RBL1: variants seen among roughly 807,000 people sequenced by gnomAD.
The protein encoded by RBL1 is retinoblastoma-like protein 1.
A neutral mutation model predicts 123.0 loss-of-function variants in RBL1; 82 were observed. The ratio of observed to expected loss-of-function variants is 0.67; its 90% CI spans 0.56 to 0.80. The LOEUF (loss-of-function observed/expected upper bound fraction) is 0.80. Ranked by LOEUF, RBL1 falls within the 30% of genes least tolerant of loss-of-function variation. RBL1 has a pLI of 0.00. For synonymous variants in RBL1, 405 were observed against 441.3 expected, an observed-to-expected ratio of 0.92 and a Z score of 1.03; for missense variants, 1,171 against 1,299.6, an observed-to-expected ratio of 0.90 and a Z score of 1.52.
chr20:37,062,533 T>C (rs1416685736), intron 7 of RBL1, among the ~76,000 whole-genome samples: 2 of 151,156 alleles, frequency 1.3e-5, no homozygotes, highest in African/African-American at 2.4e-5. Context: ...ATGAAAATGG[T>C]TTCTGATCAC....
rs145776810 is a variant in RBL1 at position 37,082,481 on chromosome 20, A to AAC, written c.290+6506_290+6507dup. Among the ~76,000 whole-genome samples the AAC allele has an allele frequency of 4.2e-3, 621 of 147,790 alleles. 1 individual carries two copies. The highest frequency in any genetic ancestry group is 9.6e-3 in the African/African-American group (395 of 41,036). ...CCACCACCAACACCATACACATACA[A>AAC]ACACACACACACACACACTCTCTCT... is the stretch of plus-strand genomic sequence containing the variant. On this transcript the variant is annotated intron_variant, in intron 2 of 21. Transcript: ENST00000373664.
chr20:37,094,829 G>A lies in RBL1; in HGVS notation c.156+944C>T, dbSNP rs1319798246. 4.6e-5 allele frequency among the ~76,000 whole-genome samples: 7 copies of A among 152,242 alleles called. No individual in the cohort carries two copies. The East Asian group carries it at 1.2e-3, about 25-fold the overall frequency. ...TTTTGTATTTTTTTAGTAGAGATGGGGTTTCGCCGTGTTGCCCAGGTTAGT... is the reference window on the plus strand; with the variant it reads ...TTTTGTATTTTTTTAGTAGAGATGGAGTTTCGCCGTGTTGCCCAGGTTAGT... On this transcript the variant is annotated intron_variant, in intron 1 of 21. Coordinates refer to ENST00000373664, the MANE Select transcript of RBL1 (RefSeq NM_002895.5).
At chr20:37,058,418 G>A (rs2146290019) in intron 9 of RBL1, among the ~76,000 whole-genome samples, 1 of 151,868 alleles carries the variant, frequency 6.6e-6, no homozygotes, top group East Asian at 1.9e-4. Context: ...TGGAGGCTGA[G>A]GCAGGAGAAC....
intron 2 of RBL1, among the ~76,000 whole-genome samples, chr20:37,082,527 A>G (rs1397731182): frequency 3.9e-5 from 6 of 152,086 alleles, no homozygotes; most frequent in Non-Finnish European, 5.9e-5. Context: ...TTTACCCTCC[A>G]TATCTGTGAG....
At position 37,007,415 on chromosome 20, in the gene RBL1, T is replaced by A; in HGVS notation, c.2867A>T (p.His956Leu). The part of the protein sequence containing the change: ...ALKYDLANQD[H>L]MMDAPPLSPF... ...GTAGTAAAACATAGAACATACCATA[T>A]GGTCCTGATTCGCCAAGTCGTATTT... Residue 956 changes from histidine to leucine, a missense_variant, in exon 20 of 22, where the codon CAT (histidine) becomes CTT (leucine). Transcript: ENST00000373664. 2 of 1,613,456 alleles carry A rather than the reference T, an allele frequency of 1.2e-6. No individual in the cohort carries two copies. The highest frequency in any genetic ancestry group is 1.7e-6 in the Non-Finnish European group (2 of 1,179,714).
chr20:37,042,999 G>C lies in RBL1; in HGVS notation c.1770+1087C>G, dbSNP rs373792052. 2.9e-4 allele frequency among the ~76,000 whole-genome samples: 44 copies of C among 151,142 alleles called. No individual in the cohort carries two copies. The East Asian group carries it at 2.9e-3, about 10-fold the overall frequency. Reference sequence around the variant, plus strand: ...AATAAAATGTAGCATCCATACAATGGAATATTACTTAGCAACAAAAGGAAA... The same window carrying C: ...AATAAAATGTAGCATCCATACAATGCAATATTACTTAGCAACAAAAGGAAA... On this transcript the variant is annotated intron_variant, in intron 13 of 21. Coordinates refer to ENST00000373664, the MANE Select transcript of RBL1 (RefSeq NM_002895.5).
intron 2 of RBL1, among the ~76,000 whole-genome samples, chr20:37,074,415 G>GAA (rs751317386): frequency 2.6e-4 from 16 of 62,250 alleles, no homozygotes; most frequent in African/African-American, 5.1e-4. Flanking sequence ...CCCTGTCTCA[G>GAA]AAAAAAAAAA....
chr20:37,012,307 G>A lies in RBL1; in HGVS notation c.2723-4748C>T, dbSNP rs376490098. Among the ~76,000 whole-genome samples, 17 of 151,972 alleles carry A rather than the reference G, an allele frequency of 1.1e-4. 1 individual carries two copies. In the East Asian group the frequency reaches 2.3e-3, roughly 21 times the overall value. ...CCACCCCGTCTGGGAAGTGAGGAGC[G>A]TCTCTGCCTGGCCGCCCATCGTCTG... On this transcript the variant is annotated intron_variant, in intron 19 of 21. Coordinates refer to ENST00000373664, the MANE Select transcript of RBL1 (RefSeq NM_002895.5).
intron 16 of RBL1, among the ~76,000 whole-genome samples, chr20:37,023,156 C>G (rs1311412749): frequency 6.6e-6 from 1 of 151,474 alleles, no homozygotes; most frequent in Admixed American, 6.6e-5. Context: ...GATTCTCGCT[C>G]TGTCACCCAG....
chr20:37,056,348 CT>C (rs1210396732), intron 9 of RBL1, 90 bp from the exon 10 acceptor site: 1 of 949,058 alleles, frequency 1.1e-6, no homozygotes, highest in East Asian at 4.7e-5. Context: ...ATGCCTTCTT[CT>C]TCTTTTTTTT....
In RBL1 at chr20:37,044,207, T is replaced by A; in HGVS notation, c.1649A>T (p.Asp550Val). ...AATGCTGTTTAGGTGTTTCACCATG[T>A]CCCTTGAGAGCCCCTCTTCTGAGCG... is the stretch of plus-strand genomic sequence containing the variant. ...VIRSEEGLSR[D>V]MVKHLNSIEE... is the part of the protein sequence containing the mutation. The change falls in exon 13 of 22, where the codon GAC (aspartate) becomes GTC (valine). Residue 550 changes from aspartate (D) to valine (V), a missense_variant. Coordinates refer to ENST00000373664, the MANE Select transcript of RBL1 (RefSeq NM_002895.5). 6.2e-7 allele frequency: 1 copy of A among 1,613,984 alleles called. No homozygotes were observed. The highest frequency in any genetic ancestry group is 1.1e-5 in the South Asian group (1 of 91,062).
intron 19 of RBL1, among the ~76,000 whole-genome samples, chr20:37,016,995 G>GAGAGA (rs1201486458): frequency 6.6e-6 from 1 of 151,306 alleles, no homozygotes; most frequent in Admixed American, 6.6e-5. Flanking sequence ...GAGGGGAGAG[G>GAGAGA]AGAGAAGACG....
intron 2 of RBL1, 95 bp downstream of exon 2, chr20:37,088,894 A>T: frequency 1.2e-6 from 1 of 841,936 alleles, no homozygotes; most frequent in Non-Finnish European, 1.6e-6. Context: ...TAAATAAAAT[A>T]AAAATTAAAT....
In RBL1 at chr20:37,062,069, G is replaced by C; in HGVS notation, c.1083+15C>G. On this transcript the variant is annotated intron_variant, in intron 8 of 21. Transcript: ENST00000373664. ...AAAGATCATTCAAGATTGAGGCCAG[G>C]CTAGGTTATATTACTTTTTCAAAGT... 6.2e-7 allele frequency: 1 copy of C among 1,605,124 alleles called. No individual in the cohort carries two copies. Among genetic ancestry groups the C allele is most frequent in the Non-Finnish European group, 8.5e-7 (1 of 1,174,544 alleles).
intron 14 of RBL1, 120 bp downstream of exon 14, chr20:37,040,033 C>T (rs535079530): frequency 1.3e-5 from 19 of 1,418,248 alleles, no homozygotes; most frequent in Admixed American, 1.0e-4. Context: ...AGCTCCTTTT[C>T]GAACCCTGCT....
chr20:37,049,794 G>A, intron 11 of RBL1: 2 of 487,432 alleles, frequency 4.1e-6, no homozygotes, highest in East Asian at 6.5e-5. Context: ...CAGACATGGT[G>A]GCTCACACCT....
chr20:37,070,881 T>C (rs368632108), intron 2 of RBL1, among the ~76,000 whole-genome samples: 2 of 152,052 alleles, frequency 1.3e-5, no homozygotes, highest in South Asian at 4.2e-4. Flanking sequence ...TCTAGCAATA[T>C]ATACAGAATA....
rs543158530 is a variant in RBL1, at chr20:37,068,025, T to A, written c.452A>T (p.Tyr151Phe). 2.5e-6 allele frequency: 4 copies of A among 1,613,746 alleles called. No individual in the cohort carries two copies. The highest frequency in any genetic ancestry group is 2.7e-5 in the African/African-American group (2 of 74,904). Residue 151 changes from tyrosine to phenylalanine, a missense_variant, in exon 3 of 22, where the codon TAT (tyrosine) becomes TTT (phenylalanine). Coordinates refer to ENST00000373664, the MANE Select transcript of RBL1 (RefSeq NM_002895.5). The stretch of plus-strand genomic sequence containing the variant: ...TCGTGGTAACTTTGGTGGTTCTTCA[T>A]ATGGATTTTGAAATATATCTAAAAA... ...PIFLDIFQNP[Y>F]EEPPKLPRSR...
Position 37,022,659 on chromosome 20 carries a change from G to T in RBL1, c.2550C>A (p.Ile850=). The change falls in exon 17 of 22, where the codon ATC becomes ATA. Residue 850 remains isoleucine, a synonymous_variant. Coordinates refer to ENST00000373664, the MANE Select transcript of RBL1 (RefSeq NM_002895.5). The part of the protein sequence containing the change: ...LDQLLLCAFY[I]MAKVTKEERT... ...CCAATTTATACATTACCTTTGCCAT[G>T]ATATAAAAGGCACAAAGGAGGAGCT... 1 of 1,608,908 alleles carries T rather than the reference G, an allele frequency of 6.2e-7. No homozygotes were observed. Among genetic ancestry groups the T allele is most frequent in the Non-Finnish European group, 8.5e-7 (1 of 1,177,238 alleles).
Sources: gnomAD v4.1 joint callset for allele counts (sites outside exome capture counted in the v4.1 genomes callset) on GRCh38, gnomAD v4.1.1 for gene constraint, MANE v1.5 for transcripts, NCBI Gene and HGNC (gene_info 2026-07-23, HGNC 2026-07-21) for gene names.